ZZEF1: variants seen among roughly 807,000 people sequenced by gnomAD.
ZZEF1 encodes the protein zinc finger ZZ-type and EF-hand domain-containing protein 1.
A neutral mutation model predicts 342.8 loss-of-function variants in ZZEF1; 157 were observed. The ratio of observed to expected loss-of-function variants is 0.46; its 90% CI spans 0.40 to 0.52. ZZEF1 has a LOEUF of 0.52. ZZEF1 is among the 20% of genes least tolerant of loss of function. ZZEF1 has a pLI of 0.00. For missense variants in ZZEF1, 3,480 were observed against 3,725.6 expected, an observed-to-expected ratio of 0.93 and a Z score of 1.72; for synonymous variants, 1,505 against 1,429.1, an observed-to-expected ratio of 1.05 and a Z score of -1.20.
intron 24 of ZZEF1, among the ~76,000 whole-genome samples, chr17:4,073,546 C>T (rs1443958955): frequency 1.3e-5 from 2 of 152,192 alleles, no homozygotes; most frequent in African/African-American, 4.8e-5. Flanking sequence ...AGTGATCCTC[C>T]TGCCTCAGCC....
chr17:4,018,133 A>C (rs549190020), intron 46 of ZZEF1, among the ~76,000 whole-genome samples, 162 bp from the exon 47 acceptor site: 1 of 152,320 alleles, frequency 6.6e-6, no homozygotes, highest in East Asian at 1.9e-4. Context: ...GCCTTCACTT[A>C]TGCATGGATA....
chr17:4,026,117 C>G (rs984702359), intron 42 of ZZEF1, among the ~76,000 whole-genome samples: 24 of 152,168 alleles, frequency 1.6e-4, no homozygotes, highest in African/African-American at 5.8e-4. Flanking sequence ...TGCATACTGA[C>G]CTGCACATTT....
chr17:4,137,782 T>C (rs1474492448), intron 1 of ZZEF1, among the ~76,000 whole-genome samples: 4 of 152,116 alleles, frequency 2.6e-5, no homozygotes, highest in South Asian at 2.1e-4. Context: ...ATGCTCTAAG[T>C]GCCAAAGGAT....
At chr17:4,087,408 T>TCAC in intron 14 of ZZEF1, 26 bp downstream of exon 14, 1 of 1,565,448 alleles carries the variant, frequency 6.4e-7, no homozygotes, top group Non-Finnish European at 8.7e-7. Context: ...TATGTGCTTA[T>TCAC]CACCTTATAA....
chr17:4,057,935 T>C, intron 32 of ZZEF1, 59 bp downstream of exon 32: 4 of 1,555,056 alleles, frequency 2.6e-6, no homozygotes, highest in Non-Finnish European at 3.5e-6. Context: ...GCCCCCACTA[T>C]GTTCCTTGCG....
intron 6 of ZZEF1, among the ~76,000 whole-genome samples, chr17:4,108,273 A>C (rs775958038): frequency 2.6e-5 from 4 of 152,210 alleles, no homozygotes; most frequent in Non-Finnish European, 4.4e-5. Flanking sequence ...AATGAGAACA[A>C]AGCATCACTT....
intron 21 of ZZEF1, 191 bp downstream of exon 21, chr17:4,076,446 T>C (rs776769715): frequency 1.1e-4 from 71 of 662,358 alleles, no homozygotes; most frequent in Non-Finnish European, 1.4e-4. Context: ...GCGTCTCCTT[T>C]CTAATGCTGA....
intron 6 of ZZEF1, among the ~76,000 whole-genome samples, chr17:4,107,124 C>A (rs2058225087): frequency 1.3e-5 from 2 of 152,160 alleles, no homozygotes; most frequent in Admixed American, 6.5e-5. Flanking sequence ...CCAAAATATT[C>A]TTTTCCTTAC....
intron 3 of ZZEF1, among the ~76,000 whole-genome samples, chr17:4,116,180 G>A (rs974041731): frequency 3.9e-5 from 6 of 152,056 alleles, no homozygotes; most frequent in Non-Finnish European, 7.4e-5. Context: ...TTAGCCGGGC[G>A]TGGTGGCACA....
chr17:4,072,291 A>C (rs2057524962), intron 25 of ZZEF1, among the ~76,000 whole-genome samples: 1 of 152,266 alleles, frequency 6.6e-6, no homozygotes, highest in African/African-American at 2.4e-5. Context: ...AGCACAAATC[A>C]TTGCTCTAAA....
chr17:4,067,849 A>C (rs1164955982), intron 26 of ZZEF1, among the ~76,000 whole-genome samples: 1 of 152,148 alleles, frequency 6.6e-6, no homozygotes, highest in African/African-American at 2.4e-5. Flanking sequence ...TGGGAGACTG[A>C]AGGTAGATTG....
rs1202806447 is a variant in ZZEF1, at chr17:4,129,888, T to A, written c.355-5837A>T. Among the ~76,000 whole-genome samples, 5 of 152,194 alleles carry A rather than the reference T, an allele frequency of 3.3e-5. No individual in the cohort carries two copies. In the East Asian group the frequency reaches 5.8e-4, roughly 18 times the overall value. On this transcript the variant is annotated intron_variant, in intron 1 of 54. Coordinates refer to ENST00000381638, the MANE Select transcript of ZZEF1 (RefSeq NM_015113.4). ...GAACATGGATGGAGCTGGAGGCCACTATCCTTAGCAAACTAAGGCAGGAAC... is the reference window on the plus strand; with the variant it reads ...GAACATGGATGGAGCTGGAGGCCACAATCCTTAGCAAACTAAGGCAGGAAC...
chr17:4,026,523 CT>C (rs1237651408), intron 42 of ZZEF1, among the ~76,000 whole-genome samples: 83 of 140,158 alleles, frequency 5.9e-4, no homozygotes, highest in Admixed American at 7.8e-4. Context: ...TTTTTTTTTT[CT>C]TTTTTTTTTT....
chr17:4,053,915 T>C, intron 34 of ZZEF1, 142 bp downstream of exon 34: 2 of 891,526 alleles, frequency 2.2e-6, no homozygotes, highest in African/African-American at 1.7e-5. Context: ...GAGATAAGGC[T>C]CATGTTCGCC....
chr17:4,087,695 A>G (rs2057858817), intron 13 of ZZEF1, among the ~76,000 whole-genome samples, 161 bp from the exon 14 acceptor site: 2 of 152,126 alleles, frequency 1.3e-5, no homozygotes, highest in South Asian at 4.1e-4. Flanking sequence ...AAGGTTTGCC[A>G]ACAACTATTT....
At chr17:4,033,869 T>C (rs1472269885) in intron 40 of ZZEF1, 146 bp downstream of exon 40, 6 of 1,102,924 alleles carry the variant, frequency 5.4e-6, no homozygotes, top group Middle Eastern at 6.2e-4. Context: ...GCATTGCTCA[T>C]GAACCTAATT....
chr17:4,065,670 C>A (rs550160789), intron 28 of ZZEF1, among the ~76,000 whole-genome samples: 1 of 152,262 alleles, frequency 6.6e-6, no homozygotes, highest in Non-Finnish European at 1.5e-5. Context: ...ACCCCTCACT[C>A]CCCGGATTAC....
chr17:4,016,727 A>C lies in ZZEF1; in HGVS notation c.8002-261T>G. Reference sequence around the variant, plus strand: ...GAAAGAACTAACTGAACCAATCATAAAGGGTCCTGGTCCTTGAAGGAGTCC... The same window carrying C: ...GAAAGAACTAACTGAACCAATCATACAGGGTCCTGGTCCTTGAAGGAGTCC... On this transcript the variant is annotated intron_variant, in intron 48 of 54. Transcript: ENST00000381638. This position sits in a 1 kb window ranked among gnomAD's most constrained non-coding sequence, Gnocchi z 4.4. 1 of 402,112 alleles carries C rather than the reference A, an allele frequency of 2.5e-6. No individual in the cohort carries two copies. 24.9% of individuals were successfully genotyped at this position (402,112 alleles called of 1,614,324 possible).
At position 4,068,115 on chromosome 17, in the gene ZZEF1, C is replaced by CAT. The variant is rs956098409; in HGVS notation, c.4076-875_4076-874dup. ...AAAAAATAAAATGTGTATGGATACACATATATATATACAAATATACATACA... is the reference window on the plus strand; with the variant it reads ...AAAAAATAAAATGTGTATGGATACACATATATATATATACAAATATACATACA... On this transcript the variant is annotated intron_variant, in intron 26 of 54. Coordinates refer to ENST00000381638, the MANE Select transcript of ZZEF1 (RefSeq NM_015113.4). Among the ~76,000 whole-genome samples the CAT allele has an allele frequency of 1.3e-4, 19 of 151,990 alleles. No homozygotes were observed. The East Asian group carries it at 1.7e-3, about 14-fold the overall frequency.
Sources: allele counts gnomAD v4.1 joint callset (sites outside exome capture counted in the v4.1 genomes callset), GRCh38; gene constraint gnomAD v4.1.1; non-coding constraint Gnocchi (gnomAD v3.1); transcripts MANE v1.5; gene names NCBI Gene and HGNC (gene_info 2026-07-23, HGNC 2026-07-21).